LIFR: variants seen among roughly 807,000 people sequenced by gnomAD.
LIFR encodes LIF receptor subunit alpha, also known as leukemia inhibitory factor receptor.
In LIFR, 84 loss-of-function variants were observed where a neutral mutation model predicts 122.2. The ratio of observed to expected loss-of-function variants is 0.69; its 90% CI spans 0.58 to 0.82. The LOEUF (loss-of-function observed/expected upper bound fraction) is 0.82, where lower values mean the gene tolerates loss of function less well. LIFR is among the 40% of genes least tolerant of loss of function. The pLI is 0.00. For missense variants in LIFR, 1,294 were observed against 1,311.6 expected, an observed-to-expected ratio of 0.99 and a Z score of 0.21; for synonymous variants, 422 against 434.7, an observed-to-expected ratio of 0.97 and a Z score of 0.36.
chr5:38,588,951 T>G (rs1350925290), intron 1 of LIFR, among the ~76,000 whole-genome samples: 1 of 152,032 alleles, frequency 6.6e-6, no homozygotes, highest in Non-Finnish European at 1.5e-5. Context: ...TATGCATATG[T>G]TTATTGGTAT....
intron 10 of LIFR, 38 bp downstream of exon 10, chr5:38,503,938 C>T: frequency 7.1e-7 from 1 of 1,407,486 alleles, no homozygotes; most frequent in South Asian, 1.2e-5. Flanking sequence ...CTATTTTATC[C>T]AAAATAATCA....
intron 12 of LIFR, among the ~76,000 whole-genome samples, chr5:38,499,255 A>C (rs1243211539): frequency 6.6e-6 from 1 of 152,240 alleles, no homozygotes; most frequent in Non-Finnish European, 1.5e-5. Flanking sequence ...GGAATTCATG[A>C]AATCTTCAGG....
intron 1 of LIFR, among the ~76,000 whole-genome samples, chr5:38,582,853 C>T (rs1749631947): frequency 6.6e-6 from 1 of 152,214 alleles, no homozygotes. Flanking sequence ...CTGCCACTTC[C>T]TCAGCACCCT....
intron 11 of LIFR, among the ~76,000 whole-genome samples, chr5:38,500,944 T>A (rs952074944): frequency 1.3e-5 from 2 of 152,168 alleles, no homozygotes; most frequent in Non-Finnish European, 1.5e-5. Context: ...TGAGCACACT[T>A]AAGCAGGCCT....
At chr5:38,590,876 A>C (rs1216723213) in intron 1 of LIFR, among the ~76,000 whole-genome samples, 2 of 152,224 alleles carry the variant, frequency 1.3e-5, no homozygotes, top group Non-Finnish European at 2.9e-5. Flanking sequence ...TTTCATTCAA[A>C]AGATTGTTGT....
rs58706799 is a variant in LIFR at position 38,549,252 on chromosome 5, TACACAC to T, written c.-20+7076_-20+7081del. Among the ~76,000 whole-genome samples the T allele has an allele frequency of 9.7e-3, 1,433 of 147,432 alleles. 8 individuals are homozygous for T. Among genetic ancestry groups the T allele is most frequent in the East Asian group, 0.029 (141 of 4,938 alleles). The stretch of plus-strand genomic sequence containing the variant: ...TTACTACATAATATGTAGAAAATTG[TACACAC>T]ACACACACACACACACACACACACA... On this transcript the variant is annotated intron_variant, in intron 1 of 19. Transcript: ENST00000453190.
chr5:38,489,468 A>G (rs1744457983), intron 15 of LIFR, among the ~76,000 whole-genome samples: 1 of 152,220 alleles, frequency 6.6e-6, no homozygotes, highest in South Asian at 2.1e-4. Context: ...TAGAACTTAC[A>G]ATATCCCTTT....
At chr5:38,514,212 C>A (rs3099127) in intron 5 of LIFR, among the ~76,000 whole-genome samples, 148,146 of 152,120 alleles carry the variant, frequency 0.97, 72,177 homozygotes, top group East Asian at 1. Flanking sequence ...CAGAAGTTCT[C>A]AAAAAAAAGG....
chr5:38,530,028 A>G (rs73749272), intron 2 of LIFR, among the ~76,000 whole-genome samples: 5,395 of 152,310 alleles, frequency 0.035, 301 homozygotes, highest in African/African-American at 0.12. Context: ...TTTAAGATGT[A>G]ACATAATACA....
At chr5:38,552,945 G>A (rs1748281680) in intron 1 of LIFR, among the ~76,000 whole-genome samples, 1 of 152,202 alleles carries the variant, frequency 6.6e-6, no homozygotes, top group Non-Finnish European at 1.5e-5. Context: ...TGGGTAACAA[G>A]CAGATGTGTT....
chr5:38,502,789 G>A lies in LIFR; in HGVS notation c.1448C>T (p.Thr483Ile). 2 of 1,590,934 alleles carry A rather than the reference G, an allele frequency of 1.3e-6. No individual in the cohort carries two copies. Among genetic ancestry groups the A allele is most frequent in the South Asian group, 2.2e-5 (2 of 89,760 alleles). The change falls in exon 11 of 20, where the codon ACA (threonine) becomes ATA (isoleucine). Residue 483 changes from threonine to isoleucine, a missense_variant. Coordinates refer to ENST00000453190, the MANE Select transcript of LIFR (RefSeq NM_001127671.2). Reference sequence around the variant, plus strand: ...ACTTGAATTTTCTACTCCTTTGATTGTGACATTCCGCTATTGGAAAACAAA... The same window carrying A: ...ACTTGAATTTTCTACTCCTTTGATTATGACATTCCGCTATTGGAAAACAAA... ...SNSVQEQRNV[T>I]IKGVENSSYL... is the part of the protein sequence containing the mutation.
intron 16 of LIFR, among the ~76,000 whole-genome samples, chr5:38,487,495 T>TA (rs1744350902): frequency 6.6e-6 from 1 of 152,196 alleles, no homozygotes; most frequent in Non-Finnish European, 1.5e-5. Context: ...GGAAAATTCA[T>TA]AATGACATAC....
chr5:38,562,106 CCT>C (rs1478979834), intron 1 of LIFR, among the ~76,000 whole-genome samples: 2 of 152,142 alleles, frequency 1.3e-5, no homozygotes, highest in East Asian at 3.8e-4. Context: ...CCTACCAAAC[CCT>C]CTCTTTCCCG....
chr5:38,502,803 T>C lies in LIFR; in HGVS notation c.1438-4A>G, dbSNP rs200956500. The stretch of plus-strand genomic sequence containing the variant: ...CTCCTTTGATTGTGACATTCCGCTA[T>C]TGGAAAACAAATAAATATATATATA... On this transcript the variant is annotated splice_polypyrimidine_tract_variant and splice_region_variant and intron_variant, in intron 10 of 19. Coordinates refer to ENST00000453190, the MANE Select transcript of LIFR (RefSeq NM_001127671.2). 10 of 1,532,724 alleles carry C rather than the reference T, an allele frequency of 6.5e-6. No individual in the cohort carries two copies. Among genetic ancestry groups the C allele is most frequent in the Admixed American group, 1.7e-5 (1 of 57,278 alleles). 94.9% of individuals were successfully genotyped at this position (1,532,724 alleles called of 1,614,324 possible).
chr5:38,598,246 T>A (rs1329509360), upstream of LIFR, among the ~76,000 whole-genome samples: 41 of 33,348 alleles, frequency 1.2e-3, 2 homozygotes, highest in South Asian at 7.4e-3. Context: ...TATTTATTTA[T>A]TTTTTTTTTT....
At chr5:38,527,600 C>CTCACACTCCACCCCT (rs1247184827) in intron 3 of LIFR, among the ~76,000 whole-genome samples, 1 of 152,120 alleles carries the variant, frequency 6.6e-6, no homozygotes, top group Non-Finnish European at 1.5e-5. Flanking sequence ...ACTTCCACTA[C>CTCACACTCCACCCCT]TCACACTCCA....
upstream of LIFR, chr5:38,556,802 A>T (rs1365084233): frequency 6.7e-6 from 1 of 148,544 alleles, no homozygotes; most frequent in Non-Finnish European, 1.5e-5. Context: ...GGGTGCTCCA[A>T]GGAGTCGGAG....
At chr5:38,538,487 C>A (rs1202059858) in intron 1 of LIFR, among the ~76,000 whole-genome samples, 1 of 152,208 alleles carries the variant, frequency 6.6e-6, no homozygotes, top group African/African-American at 2.4e-5. Context: ...TCAGATTCCT[C>A]AAAAACTCCA....
At chr5:38,492,032 A>C (rs1459074757) in intron 14 of LIFR, among the ~76,000 whole-genome samples, 3 of 152,204 alleles carry the variant, frequency 2.0e-5, no homozygotes, top group African/African-American at 7.2e-5. Context: ...GGACAGCTTA[A>C]TGAGTAGAGA....
Sources: gnomAD v4.1 joint callset for allele counts (sites outside exome capture counted in the v4.1 genomes callset) on GRCh38, gnomAD v4.1.1 for gene constraint, MANE v1.5 for transcripts, NCBI Gene and HGNC (gene_info 2026-07-23, HGNC 2026-07-21) for gene names.